Variants in HAUS7 observed in about 807,000 individuals in gnomAD.
HAUS7 encodes the protein HAUS augmin like complex subunit 7.
In HAUS7, 3 loss-of-function variants were observed where a neutral mutation model predicts 28.4. The observed-to-expected ratio is 0.11, with a 90% CI of 0.05 to 0.27. HAUS7 has a LOEUF of 0.27. Among genes scored for constraint, HAUS7 ranks in the 10% least tolerant of loss-of-function variants. The pLI is 1.00. For synonymous variants in HAUS7, 165 were observed against 132.1 expected, an observed-to-expected ratio of 1.25 and a Z score of -1.71; for missense variants, 284 against 297.3, an observed-to-expected ratio of 0.96 and a Z score of 0.33.
chrX:153,483,213 C>T, intron 1 of HAUS7: 1 of 562,020 alleles, frequency 1.8e-6, no homozygotes, highest in Non-Finnish European at 2.2e-6. Context: ...GCAGTGCCGG[C>T]AGAGAATGGG....
chrX:153,464,811 C>T (rs2089435983), intron 3 of HAUS7, among the ~76,000 whole-genome samples, 177 bp downstream of exon 3: 1 of 111,961 alleles, frequency 8.9e-6, no homozygotes. Context: ...GCTCTAGGTC[C>T]CTGCGAGAGG....
At chrX:153,456,728 G>C (rs2089317510) in intron 5 of HAUS7, 77 bp from the exon 6 acceptor site, 1 of 829,615 alleles carries the variant, frequency 1.2e-6, no homozygotes, top group Non-Finnish European at 1.7e-6. Context: ...CCACAGGGAA[G>C]GCCCCAGAAG....
chrX:153,482,462 G>C (rs1556987538), intron 1 of HAUS7: 1 of 755,313 alleles, frequency 1.3e-6, no homozygotes, highest in African/African-American at 2.3e-5. Flanking sequence ...CTTCCGTGGT[G>C]CGGGCGAGTT....
intron 1 of HAUS7, among the ~76,000 whole-genome samples, chrX:153,489,819 C>G (rs781794054): frequency 1.1e-3 from 126 of 112,576 alleles, no homozygotes; most frequent in African/African-American, 3.3e-3. Context: ...GGGCCCACCC[C>G]TCGCCTTCGC....
At chrX:153,448,326 T>C (rs1490736113) in intron 9 of HAUS7, among the ~76,000 whole-genome samples, 1 of 96,562 alleles carries the variant, frequency 1.0e-5, no homozygotes, top group African/African-American at 4.0e-5. Context: ...TTCTCACTCA[T>C]AGGTGGGAAC....
At chrX:153,469,306 T>TAC (rs782139094) in intron 1 of HAUS7, 45 bp from the exon 2 acceptor site, 1 of 580,808 alleles carries the variant, frequency 1.7e-6, no homozygotes, top group Non-Finnish European at 2.9e-6. Context: ...AGTCCCAGTG[T>TAC]ACATCATTTC....
intron 1 of HAUS7, among the ~76,000 whole-genome samples, chrX:153,493,864 G>A (rs1178970546): frequency 4.5e-5 from 5 of 111,947 alleles, no homozygotes; most frequent in African/African-American, 6.5e-5. Flanking sequence ...AGCCCTCGAC[G>A]TTGTCCTCTC....
intron 1 of HAUS7, among the ~76,000 whole-genome samples, chrX:153,489,867 C>T (rs2089660895): frequency 8.9e-6 from 1 of 112,823 alleles, no homozygotes. Flanking sequence ...GCCTAACACC[C>T]CCGTTCACAA....
Position 153,456,507 on chromosome X carries a change from A to G in HAUS7, c.591T>C (p.Ser197=). ...GGAGCACGTACCACTGCCAGTCATC[A>G]CTCTGCTTGTTGAGGAGGGGCTGCA... is the stretch of plus-strand genomic sequence containing the variant. ...LDMQPLLNKQ[S]DDWQWASASA... The change falls in exon 6 of 10, where the codon AGT becomes AGC. Residue 197 remains serine, a synonymous_variant. Coordinates refer to ENST00000370211, the MANE Select transcript of HAUS7 (RefSeq NM_001385482.1). The G allele has an allele frequency of 8.5e-7, 1 of 1,178,143 alleles. No homozygotes were observed. Among genetic ancestry groups the G allele is most frequent in the Non-Finnish European group, 1.1e-6 (1 of 878,806 alleles).
At chrX:153,455,804 G>A (rs782157049) in intron 7 of HAUS7, 38 bp from the exon 8 acceptor site, 5 of 882,739 alleles carry the variant, frequency 5.7e-6, no homozygotes, top group Admixed American at 2.2e-5. Flanking sequence ...AGGCTGCCCT[G>A]CCCACCAGCC....
chrX:153,453,666 A>G (rs1280978935), intron 9 of HAUS7, among the ~76,000 whole-genome samples: 5 of 110,656 alleles, frequency 4.5e-5, no homozygotes, highest in Non-Finnish European at 7.6e-5. Flanking sequence ...TTGCAGATCA[A>G]TGAGAGAAAG....
rs782369013 is a variant in HAUS7 at position 153,457,663 on chromosome X, G to A, written c.355-435C>T. Among the ~76,000 whole-genome samples, 258 of 113,134 alleles carry A rather than the reference G, an allele frequency of 2.3e-3. 3 individuals carry two copies. Among genetic ancestry groups the A allele is most frequent in the African/African-American group, 7.9e-3 (248 of 31,207 alleles). On this transcript the variant is annotated intron_variant, in intron 4 of 9. Coordinates refer to ENST00000370211, the MANE Select transcript of HAUS7 (RefSeq NM_001385482.1). The stretch of plus-strand genomic sequence containing the variant: ...GAAGCCGACAGGATGGGGCTGAGAG[G>A]TGGCCTGCTTTCCAGCCAGGGGACT...
intron 6 of HAUS7, 35 bp from the exon 7 acceptor site, chrX:153,456,399 C>T (rs376360616): frequency 1.4e-4 from 168 of 1,181,028 alleles, no homozygotes; most frequent in Non-Finnish European, 1.8e-4. Flanking sequence ...TGCAACTCAC[C>T]GCTGCCAGGG....
intron 1 of HAUS7, chrX:153,481,657 C>A (rs782421331): frequency 1.3e-6 from 1 of 753,792 alleles, no homozygotes; most frequent in Admixed American, 8.7e-5. Flanking sequence ...AGGTGGGTGG[C>A]CTCCTCGCCC....
upstream of HAUS7, among the ~76,000 whole-genome samples, chrX:153,474,703 AGGCGGGGGCGGGGGCGGG>A (rs782113268): frequency 1.6e-4 from 6 of 36,597 alleles, no homozygotes; most frequent in East Asian, 7.8e-3. Flanking sequence ...GCAACGGGAG[AGGCGGGGGCGGGGGCGGG>A]GGCGGGGGCG....
chrX:153,473,419 C>T (rs1352127609), upstream of HAUS7, among the ~76,000 whole-genome samples: 1 of 113,093 alleles, frequency 8.8e-6, no homozygotes. Flanking sequence ...CCTTGCTCCA[C>T]GGGGCCACTT....
intron 9 of HAUS7, among the ~76,000 whole-genome samples, chrX:153,448,333 G>C (rs1252600703): frequency 1.0e-5 from 1 of 95,946 alleles, no homozygotes; most frequent in Non-Finnish European, 2.0e-5. Context: ...TCATAGGTGG[G>C]AACTGAACAA....
chrX:153,461,756 G>C (rs781857739), intron 4 of HAUS7: 178 of 239,438 alleles, frequency 7.4e-4, no homozygotes, highest in Non-Finnish European at 1.1e-3. Flanking sequence ...GCGAGGACGA[G>C]GAGAAACTGG....
chrX:153,453,595 G>A (rs782527021), intron 9 of HAUS7, among the ~76,000 whole-genome samples: 10 of 110,193 alleles, frequency 9.1e-5, no homozygotes, highest in Non-Finnish European at 1.5e-4. Context: ...ATGGAACAGA[G>A]GAGAACCCAG....
Sources: allele counts gnomAD v4.1 joint callset (sites outside exome capture counted in the v4.1 genomes callset), GRCh38; gene constraint gnomAD v4.1.1; transcripts MANE v1.5; gene names NCBI Gene and HGNC (gene_info 2026-07-23, HGNC 2026-07-21).